The following CYP4Z1 variants were observed in gnomAD, a reference collection of about 807,000 sequenced individuals.
CYP4Z1 encodes the protein cytochrome P450 family 4 subfamily Z member 1, also known as cytochrome P450 4Z1.
In CYP4Z1, 41 loss-of-function variants were observed where a neutral mutation model predicts 54.2. The ratio of observed to expected loss-of-function variants is 0.76; its 90% CI spans 0.59 to 0.98. CYP4Z1 has a LOEUF of 0.98. Among genes scored for constraint, CYP4Z1 ranks in the 50% least tolerant of loss-of-function variants. The pLI is 0.00. For missense variants in CYP4Z1, 513 were observed against 599.0 expected (o/e 0.86, Z 1.50); for synonymous variants, 163 against 206.2 (o/e 0.79, Z 1.79).
Position 47,117,725 on chromosome 1 carries a change from A to G in CYP4Z1, c.1350-41A>G, listed in dbSNP as rs749311570. ...TTGGCGTATGTTGTTAATAATATAT[A>G]AATTCATTAGATGCCATGTTTTCTT... is the stretch of plus-strand genomic sequence containing the variant. On this transcript the variant is annotated intron_variant, in intron 11 of 11. Transcript: ENST00000334194. 3 of 1,578,102 alleles carry G rather than the reference A, an allele frequency of 1.9e-6. No homozygotes were observed. The African/African-American group carries it at 4.1e-5, about 22-fold the overall frequency.
chr1:47,112,115 G>A (rs1644796143), intron 9 of CYP4Z1, among the ~76,000 whole-genome samples: 2 of 152,200 alleles, frequency 1.3e-5, no homozygotes, highest in South Asian at 2.1e-4. Context: ...TAACAAAGGC[G>A]AAAGCAAAAG....
chr1:47,077,823 T>C (rs1214021196), intron 2 of CYP4Z1, among the ~76,000 whole-genome samples: 1 of 151,964 alleles, frequency 6.6e-6, no homozygotes, highest in Admixed American at 6.6e-5. Context: ...CTCACTATGT[T>C]GTCCAGGCTG....
rs369696415 is a variant in CYP4Z1 at position 47,114,769 on chromosome 1, A to T, written c.1202-760A>T. On this transcript the variant is annotated intron_variant, in intron 9 of 11. Transcript: ENST00000334194. Reference sequence around the variant, plus strand: ...AGATACCATCTCACACCAGTTAGAAAGGCGATCATTAAAAAGTCAGGAAAC... The same window carrying T: ...AGATACCATCTCACACCAGTTAGAATGGCGATCATTAAAAAGTCAGGAAAC... 6.6e-5 allele frequency among the ~76,000 whole-genome samples: 10 copies of T among 152,204 alleles called. No homozygotes were observed. In the South Asian group the frequency reaches 8.3e-4, roughly 13 times the overall value.
At chr1:47,101,383 TATTACTATA>T (rs1056131816) in intron 8 of CYP4Z1, among the ~76,000 whole-genome samples, 5 of 152,166 alleles carry the variant, frequency 3.3e-5, no homozygotes, top group Non-Finnish European at 5.9e-5. Flanking sequence ...TGTAGGCACT[TATTACTATA>T]ATTTCCATCT....
intron 9 of CYP4Z1, among the ~76,000 whole-genome samples, chr1:47,107,472 A>G (rs1644764627): frequency 6.6e-6 from 1 of 152,080 alleles, no homozygotes; most frequent in Non-Finnish European, 1.5e-5. Context: ...GTTATTTTTC[A>G]CATGGTATTT....
the CYP4Z1 span, among the ~76,000 whole-genome samples, chr1:47,059,310 G>A: frequency 6.6e-6 from 1 of 152,132 alleles, no homozygotes; most frequent in African/African-American, 2.4e-5. Context: ...TGCAGCTATA[G>A]AAGGTTACCA....
chr1:47,111,993 C>T (rs769789807), intron 9 of CYP4Z1, among the ~76,000 whole-genome samples: 3 of 151,850 alleles, frequency 2.0e-5, no homozygotes, highest in South Asian at 2.1e-4. Context: ...ATAGTAAATG[C>T]GAAATATTTT....
intron 9 of CYP4Z1, 90 bp from the exon 10 acceptor site, chr1:47,115,439 A>T: frequency 4.2e-6 from 5 of 1,193,408 alleles, no homozygotes. Flanking sequence ...TAAAACTTAA[A>T]GTATAATTTT....
chr1:47,068,833 GGAAGGACAGGTT>G, intron 2 of CYP4Z1, 70 bp downstream of exon 2: 2 of 1,557,220 alleles, frequency 1.3e-6, no homozygotes, highest in Non-Finnish European at 1.7e-6. Flanking sequence ...GTGGCACTAG[GGAAGGACAGGTT>G]GAAGCATTTT....
Position 47,116,901 on chromosome 1 carries a change from C to G in CYP4Z1, c.1349+169C>G, listed in dbSNP as rs554152857. Among the ~76,000 whole-genome samples, 34 of 152,162 alleles carry G rather than the reference C, an allele frequency of 2.2e-4. No individual in the cohort carries two copies. The South Asian group carries it at 3.3e-3, about 15-fold the overall frequency. ...CATTTAGTTGGTACCCTTTTGAGCCCCCAAAGGGACCGGTTAATGTTACAA... is the reference window on the plus strand; with the variant it reads ...CATTTAGTTGGTACCCTTTTGAGCCGCCAAAGGGACCGGTTAATGTTACAA... On this transcript the variant is annotated intron_variant, in intron 11 of 11. Coordinates refer to ENST00000334194, the MANE Select transcript of CYP4Z1 (RefSeq NM_178134.3).
At chr1:47,089,175 A>G (rs1644619826) in intron 6 of CYP4Z1, among the ~76,000 whole-genome samples, 1 of 151,742 alleles carries the variant, frequency 6.6e-6, no homozygotes. Context: ...GGTATGCTAG[A>G]AATTACAACA....
chr1:47,083,621 C>G (rs573397583), intron 4 of CYP4Z1, among the ~76,000 whole-genome samples: 1 of 152,078 alleles, frequency 6.6e-6, no homozygotes, highest in Non-Finnish European at 1.5e-5. Context: ...CATGGCCAAA[C>G]CCCATCTCTA....
intron 7 of CYP4Z1, among the ~76,000 whole-genome samples, chr1:47,097,549 GT>G (rs1305657671): frequency 6.6e-6 from 1 of 152,124 alleles, no homozygotes; most frequent in Non-Finnish European, 1.5e-5. Flanking sequence ...TCCCAGCATG[GT>G]TTATTAAATA....
the CYP4Z1 span, among the ~76,000 whole-genome samples, chr1:47,061,611 G>C: frequency 9.3e-3 from 1,413 of 152,266 alleles, 23 homozygotes; most frequent in African/African-American, 0.033. Flanking sequence ...GTACAAAGAA[G>C]AACTGGTAGC....
At position 47,089,720 on chromosome 1, in the gene CYP4Z1, A is replaced by T. The variant is rs1356818296; in HGVS notation, c.772+4742A>T. 3.9e-5 allele frequency among the ~76,000 whole-genome samples: 6 copies of T among 152,348 alleles called. No individual in the cohort carries two copies. In the East Asian group the frequency reaches 9.6e-4, roughly 24 times the overall value. On this transcript the variant is annotated intron_variant, in intron 6 of 11. Transcript: ENST00000334194. ...AAACTCCAAACAGTGCTGCAGGCAGAACCACACATGAACAAGCTATTTTTT... is the reference window on the plus strand; with the variant it reads ...AAACTCCAAACAGTGCTGCAGGCAGTACCACACATGAACAAGCTATTTTTT...
At chr1:47,099,346 T>C in intron 8 of CYP4Z1, 62 bp downstream of exon 8, 1 of 1,437,670 alleles carries the variant, frequency 7.0e-7, no homozygotes, top group South Asian at 1.4e-5. Context: ...TATTTCTCTC[T>C]TCCGGTATCA....
rs1644540028 is a variant in CYP4Z1 at position 47,078,303 on chromosome 1, C to T, written c.320-2320C>T. Among the ~76,000 whole-genome samples, 4 of 152,160 alleles carry T rather than the reference C, an allele frequency of 2.6e-5. No individual in the cohort carries two copies. The South Asian group carries it at 8.3e-4, about 32-fold the overall frequency. On this transcript the variant is annotated intron_variant, in intron 2 of 11. Transcript: ENST00000334194. ...ACTTTGATAATTTTTTCTCTGCCTG[C>T]TCAAATCAACTGTTGAAACCTTATG...
At chr1:47,087,839 A>G (rs1644608417) in intron 6 of CYP4Z1, among the ~76,000 whole-genome samples, 2 of 152,282 alleles carry the variant, frequency 1.3e-5, no homozygotes, top group Non-Finnish European at 2.9e-5. Flanking sequence ...GTTTGTCATA[A>G]ATAGCTCTTA....
chr1:47,067,599 A>C lies in CYP4Z1; in HGVS notation c.109A>C (p.Arg37=). ...FQVIRLYQRR[R]WMIRALHLFP... ...GGTAATCAGGTTGTACCAGAGGAGGAGATGGATGATCAGAGCCCTGCACCT... is the reference window on the plus strand; with the variant it reads ...GGTAATCAGGTTGTACCAGAGGAGGCGATGGATGATCAGAGCCCTGCACCT... The change falls in exon 1 of 12, where the codon AGA becomes CGA. Residue 37 remains arginine (R), a synonymous_variant. Transcript: ENST00000334194. 6.2e-7 allele frequency: 1 copy of C among 1,613,508 alleles called. No individual in the cohort carries two copies. The highest frequency in any genetic ancestry group is 1.1e-5 in the South Asian group (1 of 90,976).
Sources: gnomAD v4.1 joint callset for allele counts (sites outside exome capture counted in the v4.1 genomes callset) on GRCh38, gnomAD v4.1.1 for gene constraint, MANE v1.5 for transcripts, NCBI Gene and HGNC (gene_info 2026-07-23, HGNC 2026-07-21) for gene names.